Variants in PCDH15 observed in about 807,000 individuals in gnomAD.
PCDH15 encodes protocadherin related 15.
Under a neutral mutation model 178.5 loss-of-function variants are expected in PCDH15, and 129 were observed. The observed-to-expected ratio is 0.72, with a 90% CI of 0.63 to 0.84. The LOEUF (loss-of-function observed/expected upper bound fraction) is 0.84, where lower values mean the gene tolerates loss of function less well. Ranked by LOEUF, PCDH15 falls within the 40% of genes least tolerant of loss-of-function variation. PCDH15 has a pLI of 0.00. For missense variants in PCDH15, 2,230 were observed against 2,099.9 expected, an observed-to-expected ratio of 1.06 and a Z score of -1.21; for synonymous variants, 800 against 732.0, an observed-to-expected ratio of 1.09 and a Z score of -1.50.
At chr10:55,060,284 A>C (rs1841398413) in intron 2 of PCDH15, among the ~76,000 whole-genome samples, 1 of 152,108 alleles carries the variant, frequency 6.6e-6, no homozygotes, top group Non-Finnish European at 1.5e-5. Context: ...GCACAAAAGT[A>C]TTTATTGATA....
chr10:54,512,217 G>C (rs916079805), intron 3 of PCDH15, among the ~76,000 whole-genome samples: 1 of 152,100 alleles, frequency 6.6e-6, no homozygotes, highest in Non-Finnish European at 1.5e-5. Context: ...TGAAATTTGA[G>C]TAAGAGTTCT....
At chr10:54,362,732 G>A (rs1041027848) in intron 5 of PCDH15, among the ~76,000 whole-genome samples, 2 of 151,864 alleles carry the variant, frequency 1.3e-5, no homozygotes, top group African/African-American at 4.8e-5. Flanking sequence ...TAATCAATGA[G>A]TTTAGTATTT....
intron 2 of PCDH15, among the ~76,000 whole-genome samples, chr10:55,441,874 T>G (rs1839195668): frequency 6.6e-6 from 1 of 152,174 alleles, no homozygotes; most frequent in African/African-American, 2.4e-5. Flanking sequence ...ACAAGTGTTC[T>G]TATAAGAAGA....
intron 3 of PCDH15, among the ~76,000 whole-genome samples, chr10:54,493,987 C>CA (rs1464517759): frequency 2.1e-5 from 3 of 144,194 alleles, no homozygotes; most frequent in Admixed American, 7.5e-5. Flanking sequence ...ATCGCAAGGA[C>CA]AAAAAACCAA....
At chr10:53,878,319 ATATATAGTC>A (rs1293132485) in intron 26 of PCDH15, among the ~76,000 whole-genome samples, 5 of 70,016 alleles carry the variant, frequency 7.1e-5, no homozygotes, top group African/African-American at 2.2e-4. Flanking sequence ...TATATTCTAT[ATATATAGTC>A]TATATAGTCT....
At chr10:54,468,868 T>G (rs1183228940) in intron 3 of PCDH15, among the ~76,000 whole-genome samples, 1 of 152,192 alleles carries the variant, frequency 6.6e-6, no homozygotes, top group Non-Finnish European at 1.5e-5. Flanking sequence ...GTTATATTCT[T>G]TTGCTGAATT....
At chr10:55,108,261 T>A (rs1196882627) in intron 2 of PCDH15, among the ~76,000 whole-genome samples, 1 of 152,196 alleles carries the variant, frequency 6.6e-6, no homozygotes, top group East Asian at 1.9e-4. Context: ...CTAAGAGAAC[T>A]TCTGAATAAA....
At chr10:54,781,230 T>C (rs1950330973) in intron 1 of PCDH15, among the ~76,000 whole-genome samples, 1 of 152,100 alleles carries the variant, frequency 6.6e-6, no homozygotes, top group Admixed American at 6.6e-5. Flanking sequence ...GTTTGTTACA[T>C]AGGTATACAC....
intron 2 of PCDH15, among the ~76,000 whole-genome samples, chr10:55,344,395 A>C (rs1844687405): frequency 1.3e-5 from 2 of 152,128 alleles, no homozygotes; most frequent in African/African-American, 4.8e-5. Context: ...AGGGGAAAGC[A>C]GAGAGATAAA....
At chr10:54,456,256 G>A (rs370665791) in intron 3 of PCDH15, among the ~76,000 whole-genome samples, 93 of 152,318 alleles carry the variant, frequency 6.1e-4, no homozygotes, top group African/African-American at 2.1e-3. Context: ...GCTGAAGGGG[G>A]GGCATACCCT....
chr10:53,932,580 G>A (rs965186579), intron 25 of PCDH15, among the ~76,000 whole-genome samples: 3 of 152,068 alleles, frequency 2.0e-5, no homozygotes, highest in African/African-American at 7.2e-5. Context: ...ATTGTATTTT[G>A]GGGAAAAGTA....
rs138456211 is a variant in PCDH15 at position 55,117,966 on chromosome 10, T to C, written c.-80+48610A>G. Among the ~76,000 whole-genome samples, 6 of 152,256 alleles carry C rather than the reference T, an allele frequency of 3.9e-5. No homozygotes were observed. In the East Asian group the frequency reaches 5.8e-4, roughly 15 times the overall value. On this transcript the variant is annotated intron_variant, in intron 2 of 5. Coordinates refer to the PCDH15 transcript ENST00000458638. ...GATGCCCTGAAAAGTCTCCTTCAGT[T>C]ATGCAAACGGAGGCCTTGTGGAGTC...
At chr10:55,068,817 T>C (rs1047082920) in intron 2 of PCDH15, among the ~76,000 whole-genome samples, 2 of 151,898 alleles carry the variant, frequency 1.3e-5, no homozygotes, top group African/African-American at 4.8e-5. Context: ...TACAGATCTC[T>C]TTCACCTTTT....
At position 54,564,275 on chromosome 10, in the gene PCDH15, G is replaced by T. The variant is rs191359898; in HGVS notation, c.92-36398C>A. ...ATGAATTACATATCTGGATATGAAA[G>T]AACTAGGATGTCTAATTTAAGGCAA... On this transcript the variant is annotated intron_variant, in intron 2 of 37. Coordinates refer to ENST00000644397, the MANE Select transcript of PCDH15 (RefSeq NM_001384140.1). 4.5e-3 allele frequency among the ~76,000 whole-genome samples: 684 copies of T among 152,220 alleles called. 3 individuals are homozygous for T. The highest frequency in any genetic ancestry group is 0.02 in the Middle Eastern group (6 of 294).
chr10:54,102,547 G>C (rs1167631319), intron 15 of PCDH15, among the ~76,000 whole-genome samples: 1 of 152,190 alleles, frequency 6.6e-6, no homozygotes, highest in Non-Finnish European at 1.5e-5. Flanking sequence ...CAGGGATGTG[G>C]TGATTACCAC....
At chr10:55,189,411 T>A (rs1839883196) in intron 1 of PCDH15, among the ~76,000 whole-genome samples, 1 of 151,882 alleles carries the variant, frequency 6.6e-6, no homozygotes, top group African/African-American at 2.4e-5. Flanking sequence ...CTTTCATCAT[T>A]TGCTATTTAA....
intron 1 of PCDH15, among the ~76,000 whole-genome samples, chr10:55,228,038 A>C (rs1190785385): frequency 6.6e-6 from 1 of 152,106 alleles, no homozygotes; most frequent in Admixed American, 6.5e-5. Context: ...GAGACATTGC[A>C]TCACAGATGC....
At chr10:55,594,243 T>C (rs1266467378) in intron 2 of PCDH15, among the ~76,000 whole-genome samples, 1 of 151,946 alleles carries the variant, frequency 6.6e-6, no homozygotes, top group Non-Finnish European at 1.5e-5. Flanking sequence ...ATTGTTATAA[T>C]GATTAAGTCA....
chr10:55,432,999 G>C (rs1254982254), intron 2 of PCDH15, among the ~76,000 whole-genome samples: 1 of 150,920 alleles, frequency 6.6e-6, no homozygotes, highest in African/African-American at 2.4e-5. Context: ...ACTCCAGCCT[G>C]AGTGACAGAG....
Sources: gnomAD v4.1 joint callset for allele counts (sites outside exome capture counted in the v4.1 genomes callset) on GRCh38, gnomAD v4.1.1 for gene constraint, MANE v1.5 for transcripts, NCBI Gene and HGNC (gene_info 2026-07-23, HGNC 2026-07-21) for gene names.